SMAD4: variants seen among roughly 807,000 people sequenced by gnomAD.
SMAD4 encodes the protein MAD homolog 4.
SMAD4 carries 7 observed loss-of-function variants against 63.2 expected under a neutral mutation model. The observed-to-expected ratio is 0.11, with a 90% confidence interval of 0.06 to 0.21. The LOEUF (loss-of-function observed/expected upper bound fraction) is 0.21, where lower values mean the gene tolerates loss of function less well. Among genes scored for constraint, SMAD4 ranks in the 10% least tolerant of loss-of-function variants. The pLI, the probability that SMAD4 is intolerant of heterozygous loss-of-function variation, is 1.00. For missense variants in SMAD4, 312 were observed against 693.8 expected (o/e 0.45, Z 6.18); for synonymous variants, 215 against 235.4 (o/e 0.91, Z 0.79).
intron 1 of SMAD4, among the ~76,000 whole-genome samples, chr18:51,031,473 C>A (rs1909048822): frequency 6.6e-6 from 1 of 152,112 alleles, no homozygotes; most frequent in African/African-American, 2.4e-5. Flanking sequence ...ACATTTATTT[C>A]CCAATTAGTT....
At chr18:51,042,703 T>G (rs1298998558) in intron 1 of SMAD4, among the ~76,000 whole-genome samples, 1 of 151,472 alleles carries the variant, frequency 6.6e-6, no homozygotes, top group South Asian at 2.1e-4. Flanking sequence ...GACTTGGTTG[T>G]TTTGTTTTTT....
chr18:51,041,820 AAAT>A (rs1568201436), intron 1 of SMAD4, among the ~76,000 whole-genome samples: 1 of 152,210 alleles, frequency 6.6e-6, no homozygotes, highest in Non-Finnish European at 1.5e-5. Flanking sequence ...CCTAAGCAGA[AAAT>A]AAGCTTTTGT....
chr18:51,065,710 TATAA>T, intron 9 of SMAD4, 104 bp downstream of exon 9: 1 of 887,800 alleles, frequency 1.1e-6, no homozygotes, highest in South Asian at 1.8e-5. Flanking sequence ...TGTTCTTAAA[TATAA>T]ATAAAGGAAT....
intron 10 of SMAD4, among the ~76,000 whole-genome samples, chr18:51,068,942 C>T (rs1275182937): frequency 6.6e-6 from 1 of 151,940 alleles, no homozygotes; most frequent in Non-Finnish European, 1.5e-5. Flanking sequence ...AATAAATAGA[C>T]AATACATAGA....
Position 51,078,566 on chromosome 18 carries a change from T to C in SMAD4, c.*99T>C. On this transcript the variant is annotated 3_prime_UTR_variant, in exon 12 of 12. Transcript: ENST00000342988. Reference sequence around the variant, plus strand: ...AGATATATTTCACTTTTGTTCTGCTTTATCTTTTCATAAAGGGTTGAAAAT... The same window carrying C: ...AGATATATTTCACTTTTGTTCTGCTCTATCTTTTCATAAAGGGTTGAAAAT... 1.1e-6 allele frequency: 1 copy of C among 900,416 alleles called. No homozygotes were observed. The highest frequency in any genetic ancestry group is 1.7e-6 in the Non-Finnish European group (1 of 583,506). 55.8% of individuals were successfully genotyped at this position (900,416 alleles called of 1,614,324 possible).
Position 51,047,246 on chromosome 18 carries a change from A to G in SMAD4, c.200A>G (p.His67Arg). Residue 67 changes from histidine to arginine, a missense_variant, in exon 2 of 12, where the codon CAT becomes CGT. Transcript: ENST00000342988. ...LITAITTNGA[H>R]PSKCVTIQRT... ...ACAGCTATAACTACAAATGGAGCTC[A>G]TCCTAGTAAATGTGTTACCATACAG... 1 of 1,613,946 alleles carries G rather than the reference A, an allele frequency of 6.2e-7. No homozygotes were observed. The highest frequency in any genetic ancestry group is 8.5e-7 in the Non-Finnish European group (1 of 1,179,814).
intron 4 of SMAD4, chr18:51,052,881 A>G (rs1909746320): frequency 6.5e-6 from 1 of 154,988 alleles, no homozygotes. Flanking sequence ...GCATATGATC[A>G]TAGTGTACAA....
At position 51,047,193 on chromosome 18, in the gene SMAD4, G is replaced by A. The variant is rs1555685024; in HGVS notation, c.147G>A (p.Glu49=). Residue 49 remains glutamate (E), a synonymous_variant, in exon 2 of 12, where the codon GAG becomes GAA. Transcript: ENST00000342988. ...AAAGTTTGGTAAAGAAGCTGAAGGAGAAAAAAGATGAATTGGATTCTTTAA... is the reference window on the plus strand; with the variant it reads ...AAAGTTTGGTAAAGAAGCTGAAGGAAAAAAAAGATGAATTGGATTCTTTAA... ...AIESLVKKLK[E]KKDELDSLIT... is the part of the protein sequence containing the mutation. The A allele has an allele frequency of 5.0e-6, 8 of 1,613,972 alleles. No individual in the cohort carries two copies. Among genetic ancestry groups the A allele is most frequent in the Non-Finnish European group, 6.8e-6 (8 of 1,179,904 alleles).
intron 10 of SMAD4, among the ~76,000 whole-genome samples, chr18:51,076,380 G>T (rs531758347): frequency 6.6e-6 from 1 of 152,058 alleles, no homozygotes; most frequent in African/African-American, 2.4e-5. Flanking sequence ...GACCCACTTC[G>T]AACTAGATAA....
intron 10 of SMAD4, among the ~76,000 whole-genome samples, chr18:51,071,001 A>G (rs558556581): frequency 6.6e-6 from 1 of 152,326 alleles, no homozygotes; most frequent in Admixed American, 6.5e-5. Context: ...AAAACATAGT[A>G]TATGCACAGT....
At chr18:51,035,599 A>G (rs1444341229) in intron 1 of SMAD4, among the ~76,000 whole-genome samples, 2 of 152,200 alleles carry the variant, frequency 1.3e-5, no homozygotes, top group African/African-American at 4.8e-5. Flanking sequence ...TTACATTTTC[A>G]AGCCCCCAAT....
chr18:51,067,566 C>T (rs1910199636), intron 10 of SMAD4, among the ~76,000 whole-genome samples: 1 of 152,052 alleles, frequency 6.6e-6, no homozygotes, highest in South Asian at 2.1e-4. Context: ...GCACATGTTA[C>T]TGTGCCTGGC....
At chr18:51,060,081 A>G (rs968258860) in intron 8 of SMAD4, among the ~76,000 whole-genome samples, 165 bp downstream of exon 8, 1 of 152,200 alleles carries the variant, frequency 6.6e-6, no homozygotes, top group Non-Finnish European at 1.5e-5. Flanking sequence ...ATAGTCACAC[A>G]TAGACTGTCT....
intron 1 of SMAD4, among the ~76,000 whole-genome samples, chr18:51,031,737 C>CAA (rs373402789): frequency 0.021 from 2,855 of 134,518 alleles, 104 homozygotes; most frequent in African/African-American, 0.071. Flanking sequence ...CATTTAGTAT[C>CAA]AAAAAAAAAA....
intron 9 of SMAD4, 26 bp downstream of exon 9, chr18:51,065,632 A>G: frequency 6.3e-7 from 1 of 1,598,740 alleles, no homozygotes. Flanking sequence ...TCAGATAGTT[A>G]CTTTAAAAAA....
chr18:51,073,697 A>G (rs1568210486), intron 10 of SMAD4, among the ~76,000 whole-genome samples: 1 of 151,678 alleles, frequency 6.6e-6, no homozygotes, highest in Non-Finnish European at 1.5e-5. Context: ...TGCCTGGCTA[A>G]TTTTTGCATT....
At position 51,078,443 on chromosome 18, in the gene SMAD4, T is replaced by G. The variant is rs200595795; in HGVS notation, c.1635T>G (p.Ile545Met). ...ACGAAGTACTTCATACCATGCCGATTGCAGACCCACAACCTTTAGACTGAG... is the reference window on the plus strand; with the variant it reads ...ACGAAGTACTTCATACCATGCCGATGGCAGACCCACAACCTTTAGACTGAG... ...LLDEVLHTMP[I>M]ADPQPLD The change falls in exon 12 of 12, where the codon ATT (isoleucine) becomes ATG (methionine). Residue 545 changes from isoleucine (I) to methionine (M), a missense_variant. Physicochemically the swap from Ile to Met is conservative, Grantham distance 10. Coordinates refer to ENST00000342988, the MANE Select transcript of SMAD4 (RefSeq NM_005359.6). 4 of 1,614,126 alleles carry G rather than the reference T, an allele frequency of 2.5e-6. No individual in the cohort carries two copies. Among genetic ancestry groups the G allele is most frequent in the Admixed American group, 3.3e-5 (2 of 60,026 alleles).
At chr18:51,071,277 CACAT>C (rs1457577735) in intron 10 of SMAD4, among the ~76,000 whole-genome samples, 2 of 151,998 alleles carry the variant, frequency 1.3e-5, no homozygotes, top group Non-Finnish European at 2.9e-5. Flanking sequence ...CACACACACA[CACAT>C]ACACACACAC....
intron 10 of SMAD4, among the ~76,000 whole-genome samples, chr18:51,075,616 T>C (rs937857827): frequency 7.9e-5 from 12 of 152,104 alleles, no homozygotes; most frequent in Non-Finnish European, 1.8e-4. Context: ...GATTTTTTTT[T>C]CCCCAGAAAA....
Sources: allele counts gnomAD v4.1 joint callset (sites outside exome capture counted in the v4.1 genomes callset), GRCh38; gene constraint gnomAD v4.1.1; transcripts MANE v1.5; gene names NCBI Gene and HGNC (gene_info 2026-07-23, HGNC 2026-07-21).